The following PIWIL1 variants were observed in gnomAD, a reference collection of about 807,000 sequenced individuals.
PIWIL1 encodes the protein piwi-like protein 1.
Under a neutral mutation model 114.4 loss-of-function variants are expected in PIWIL1, and 73 were observed. The ratio of observed to expected loss-of-function variants is 0.64; its 90% CI spans 0.53 to 0.78. The LOEUF (loss-of-function observed/expected upper bound fraction) is 0.78. Ranked by LOEUF, PIWIL1 falls within the 30% of genes least tolerant of loss-of-function variation. The probability of loss-of-function intolerance (pLI) is 0.00; values close to 1 mark genes in which losing one functional copy is unlikely to be tolerated. For missense variants in PIWIL1, 723 were observed against 1,063.1 expected (o/e 0.68, Z 4.45); for synonymous variants, 375 against 369.0 (o/e 1.02, Z -0.19).
chr12:130,361,624 G>A (rs2073511168), intron 16 of PIWIL1, 23 bp downstream of exon 16: 3 of 1,579,750 alleles, frequency 1.9e-6, no homozygotes, highest in Non-Finnish European at 2.6e-6. Flanking sequence ...GGGCTACTGT[G>A]GGTGGCAGTG....
At chr12:130,340,678 G>T (rs111927284) in intron 1 of PIWIL1, among the ~76,000 whole-genome samples, 45 of 141,804 alleles carry the variant, frequency 3.2e-4, no homozygotes, top group African/African-American at 1.4e-3. Flanking sequence ...GGTGGTGGTG[G>T]TGCTGCTGCT....
At chr12:130,410,354 T>G in the PIWIL1 span, among the ~76,000 whole-genome samples, 5 of 152,338 alleles carry the variant, frequency 3.3e-5, no homozygotes, top group African/African-American at 1.2e-4. Flanking sequence ...ACTTTTTAAG[T>G]GCAGAGTATT....
chr12:130,340,395 G>A (rs562810526), intron 1 of PIWIL1, among the ~76,000 whole-genome samples: 3 of 152,054 alleles, frequency 2.0e-5, no homozygotes, highest in Non-Finnish European at 4.4e-5. Context: ...ATGGTTTCGG[G>A]ATGAAACGGT....
chr12:130,364,653 T>G (rs1015620641), intron 18 of PIWIL1, among the ~76,000 whole-genome samples: 6 of 152,234 alleles, frequency 3.9e-5, no homozygotes, highest in Non-Finnish European at 5.9e-5. Flanking sequence ...ATAATGATAC[T>G]TTGTTTTCAG....
chr12:130,407,999 TGGTCTG>T, the PIWIL1 span, among the ~76,000 whole-genome samples: 3 of 152,204 alleles, frequency 2.0e-5, no homozygotes, highest in South Asian at 6.2e-4. Flanking sequence ...TTTGGGTCAG[TGGTCTG>T]GGACTCCATA....
the PIWIL1 span, among the ~76,000 whole-genome samples, chr12:130,380,169 C>T: frequency 1.5e-5 from 2 of 135,926 alleles, no homozygotes; most frequent in African/African-American, 6.7e-5. Flanking sequence ...TTGACAGTTC[C>T]TTCAACTCCC....
intron 6 of PIWIL1, 61 bp from the exon 7 acceptor site, chr12:130,348,042 G>A: frequency 1.7e-6 from 2 of 1,150,198 alleles, no homozygotes; most frequent in East Asian, 2.4e-5. Context: ...ACGACATGCT[G>A]TTCTGATTGT....
chr12:130,410,839 C>G, the PIWIL1 span, among the ~76,000 whole-genome samples: 3 of 152,230 alleles, frequency 2.0e-5, no homozygotes, highest in Non-Finnish European at 4.4e-5. Flanking sequence ...TTTGGCTACT[C>G]TAGTTCCTTT....
the PIWIL1 span, chr12:130,383,608 C>T: frequency 6.6e-6 from 1 of 152,176 alleles, no homozygotes; most frequent in Admixed American, 6.5e-5. Flanking sequence ...ACCTCCCACT[C>T]CAGATTGGGG....
intron 18 of PIWIL1, among the ~76,000 whole-genome samples, chr12:130,366,240 C>T (rs1236618898): frequency 9.9e-5 from 15 of 152,156 alleles, no homozygotes; most frequent in Non-Finnish European, 1.8e-4. Flanking sequence ...GGATTAACTA[C>T]GTGGATTGTG....
intron 18 of PIWIL1, among the ~76,000 whole-genome samples, chr12:130,366,144 G>C (rs1234703397): frequency 6.6e-6 from 1 of 152,214 alleles, no homozygotes; most frequent in Non-Finnish European, 1.5e-5. Context: ...TAATGTTGTA[G>C]TTGGAGATGG....
At chr12:130,371,071 T>C in intron 19 of PIWIL1, 105 bp from the exon 20 acceptor site, 1 of 908,496 alleles carries the variant, frequency 1.1e-6, no homozygotes, top group Non-Finnish European at 1.8e-6. Context: ...ATGAGGTTAC[T>C]GTAGTAACTT....
At chr12:130,365,962 T>C (rs184737469) in intron 18 of PIWIL1, among the ~76,000 whole-genome samples, 1 of 152,342 alleles carries the variant, frequency 6.6e-6, no homozygotes, top group East Asian at 1.9e-4. Context: ...TAGGGACATT[T>C]CTGAAGATGT....
the PIWIL1 span, among the ~76,000 whole-genome samples, chr12:130,378,158 T>C: frequency 4.4e-3 from 665 of 152,284 alleles, 3 homozygotes; most frequent in African/African-American, 0.015. Flanking sequence ...CCATCTTGCC[T>C]CTTTGCAAGC....
chr12:130,395,618 A>ATAT, the PIWIL1 span, among the ~76,000 whole-genome samples: 1 of 152,202 alleles, frequency 6.6e-6, no homozygotes, highest in African/African-American at 2.4e-5. Context: ...AGGTAAAAAG[A>ATAT]TATTATGGTA....
intron 4 of PIWIL1, 60 bp from the exon 5 acceptor site, chr12:130,346,310 A>G: frequency 2.3e-6 from 3 of 1,327,752 alleles, no homozygotes; most frequent in Non-Finnish European, 3.2e-6. Flanking sequence ...CATGGTAGGA[A>G]AGATTTCAAG....
intron 12 of PIWIL1, 144 bp from the exon 13 acceptor site, chr12:130,356,774 G>A: frequency 1.9e-6 from 1 of 540,068 alleles, no homozygotes; most frequent in Non-Finnish European, 3.2e-6. Flanking sequence ...CCCCATTGAG[G>A]ACATTTTCTC....
intron 1 of PIWIL1, chr12:130,339,412 A>C (rs1219315381): frequency 1.3e-5 from 2 of 152,132 alleles, no homozygotes; most frequent in African/African-American, 4.8e-5. Flanking sequence ...GCTCGCATAG[A>C]ATGTACCGCT....
At chr12:130,408,144 C>T in the PIWIL1 span, among the ~76,000 whole-genome samples, 2 of 152,226 alleles carry the variant, frequency 1.3e-5, no homozygotes, top group Non-Finnish European at 2.9e-5. Flanking sequence ...CAAATTTAGA[C>T]GGCTTTGGCC....
Sources: allele counts gnomAD v4.1 joint callset (sites outside exome capture counted in the v4.1 genomes callset), GRCh38; gene constraint gnomAD v4.1.1; transcripts MANE v1.5; gene names NCBI Gene and HGNC (gene_info 2026-07-23, HGNC 2026-07-21).